Variants in PRRX1 observed in about 807,000 individuals in gnomAD.
The protein encoded by PRRX1 is paired related homeobox 1.
In PRRX1, 8 loss-of-function variants were observed where a neutral mutation model predicts 24.0. That is an observed-to-expected ratio of 0.33 (90% confidence interval 0.20 to 0.60). The LOEUF (loss-of-function observed/expected upper bound fraction) is 0.60. Among genes scored for constraint, PRRX1 ranks in the 20% least tolerant of loss-of-function variants. PRRX1 has a pLI of 0.82. For missense variants in PRRX1, 281 were observed against 322.4 expected, an observed-to-expected ratio of 0.87 and a Z score of 0.98; for synonymous variants, 160 against 131.7, an observed-to-expected ratio of 1.22 and a Z score of -1.47.
chr1:170,675,851 G>A (rs1653304124), intron 1 of PRRX1, among the ~76,000 whole-genome samples: 1 of 152,138 alleles, frequency 6.6e-6, no homozygotes, highest in Non-Finnish European at 1.5e-5. Flanking sequence ...AATTATGAAT[G>A]ACATATATGT....
At position 170,739,326 on chromosome 1, in the gene PRRX1, T is replaced by C. The variant is rs569501213; in HGVS notation, c.*3140T>C. 1 of 181,330 alleles carries C rather than the reference T, an allele frequency of 5.5e-6. No homozygotes were observed. Among genetic ancestry groups the C allele is most frequent in the Admixed American group, 6.3e-5 (1 of 15,940 alleles). The allele number at this position is 181,330 out of a possible 1,614,324, so 11.2% of individuals were successfully genotyped here. On this transcript the variant is annotated 3_prime_UTR_variant, in exon 4 of 4. Coordinates refer to ENST00000239461, the MANE Select transcript of PRRX1 (RefSeq NM_022716.4). Reference sequence around the variant, plus strand: ...TGTAATATGTAAATTATATCTTGCTTTATGTTGTAAAATATACATTGTTTG... The same window carrying C: ...TGTAATATGTAAATTATATCTTGCTCTATGTTGTAAAATATACATTGTTTG...
At chr1:170,669,371 G>T (rs908908673) in intron 1 of PRRX1, 1 of 123,518 alleles carries the variant, frequency 8.1e-6, no homozygotes, top group African/African-American at 3.2e-5. Context: ...TTTACAACAC[G>T]AGCGAATAAA....
At chr1:170,691,441 A>ATTTCC (rs60341193) in intron 1 of PRRX1, among the ~76,000 whole-genome samples, 5,429 of 71,662 alleles carry the variant, frequency 0.076, 535 homozygotes, top group East Asian at 0.14. Flanking sequence ...CTTTCCTTCC[A>ATTTCC]TTTCCTTTCC....
At chr1:170,726,486 C>T in intron 3 of PRRX1, 85 bp downstream of exon 3, 2 of 1,457,720 alleles carry the variant, frequency 1.4e-6, no homozygotes, top group Non-Finnish European at 1.9e-6. Flanking sequence ...GTGCAGCTCA[C>T]CGACATTTCT....
chr1:170,705,638 G>T (rs938873886), intron 1 of PRRX1, among the ~76,000 whole-genome samples: 1 of 152,086 alleles, frequency 6.6e-6, no homozygotes, highest in Non-Finnish European at 1.5e-5. Context: ...TCAGCAGGCA[G>T]TGATATCATG....
rs915490774 is a variant in PRRX1, at chr1:170,664,516, C to A, written c.241+57C>A. 10 of 1,547,290 alleles carry A rather than the reference C, an allele frequency of 6.5e-6. No homozygotes were observed. In the African/African-American group the frequency reaches 6.8e-5, roughly 11 times the overall value. ...GTGCCCGGGACAGAGGGCGGGGACC[C>A]GTGTAGGGCAGCTAGAGCCCGTCCG... On this transcript the variant is annotated intron_variant, in intron 1 of 3. Coordinates refer to ENST00000239461, the MANE Select transcript of PRRX1 (RefSeq NM_022716.4).
rs1653947897 is a variant in PRRX1 at position 170,691,480 on chromosome 1, CCTTTCCTTTCCTTT to C, written c.241+27023_241+27036del. 2.7e-5 allele frequency among the ~76,000 whole-genome samples: 4 copies of C among 146,152 alleles called. No individual in the cohort carries two copies. The South Asian group carries it at 9.2e-4, about 34-fold the overall frequency. ...CCTTTCCTTTCCTTTCCTTTCCTTT[CCTTTCCTTTCCTTT>C]CCTTTCCTTTCCTTTCCTTCCTTCT... is the stretch of plus-strand genomic sequence containing the variant. On this transcript the variant is annotated intron_variant, in intron 1 of 3. Coordinates refer to ENST00000239461, the MANE Select transcript of PRRX1 (RefSeq NM_022716.4).
In PRRX1 at chr1:170,720,976, T is replaced by C. The variant is rs1655062499; in HGVS notation, c.417+1075T>C. ...TTTCATCCTCACACCAATTCAGTGA[T>C]GTGGATAGTGTTCTTCATTTTGCAG... is the stretch of plus-strand genomic sequence containing the variant. On this transcript the variant is annotated intron_variant, in intron 2 of 3. Transcript: ENST00000239461. 2.6e-5 allele frequency among the ~76,000 whole-genome samples: 4 copies of C among 152,340 alleles called. No homozygotes were observed. In the South Asian group the frequency reaches 8.3e-4, roughly 32 times the overall value.
chr1:170,711,113 A>G (rs1336412458), intron 1 of PRRX1, among the ~76,000 whole-genome samples: 2 of 152,230 alleles, frequency 1.3e-5, no homozygotes, highest in African/African-American at 4.8e-5. Context: ...TTTCATCTAA[A>G]AAGTATTTAA....
intron 2 of PRRX1, among the ~76,000 whole-genome samples, chr1:170,721,573 A>T (rs1263434319): frequency 6.6e-6 from 1 of 152,134 alleles, no homozygotes; most frequent in Non-Finnish European, 1.5e-5. Flanking sequence ...CAAGAGAAAA[A>T]AGAAAAATGT....
At chr1:170,735,898 TG>T in intron 3 of PRRX1, 149 bp from the exon 4 acceptor site, 1 of 1,029,716 alleles carries the variant, frequency 9.7e-7, no homozygotes. Context: ...AATGGAAAGC[TG>T]GGGCTGTAAG....
chr1:170,732,018 A>G (rs557196678), intron 3 of PRRX1, among the ~76,000 whole-genome samples: 32 of 152,304 alleles, frequency 2.1e-4, no homozygotes, highest in Admixed American at 1.0e-3. Context: ...CCCACTTCCA[A>G]GAATAAGTGG....
chr1:170,689,453 G>A (rs1222095245), intron 1 of PRRX1, among the ~76,000 whole-genome samples: 1 of 152,124 alleles, frequency 6.6e-6, no homozygotes, highest in Non-Finnish European at 1.5e-5. Flanking sequence ...TTTAAATCAT[G>A]GAATCTATGT....
chr1:170,669,890 G>C (rs1397715933), intron 1 of PRRX1, among the ~76,000 whole-genome samples: 2 of 152,208 alleles, frequency 1.3e-5, no homozygotes, highest in Non-Finnish European at 2.9e-5. Flanking sequence ...TCGGGAGTGT[G>C]TTTGTAGAGA....
At chr1:170,696,278 A>G (rs1654165548) in intron 1 of PRRX1, among the ~76,000 whole-genome samples, 1 of 152,160 alleles carries the variant, frequency 6.6e-6, no homozygotes, top group African/African-American at 2.4e-5. Flanking sequence ...GTCATTAACC[A>G]TGACCAGCAG....
At chr1:170,683,660 G>T (rs1158029714) in intron 1 of PRRX1, among the ~76,000 whole-genome samples, 1 of 152,164 alleles carries the variant, frequency 6.6e-6, no homozygotes, top group African/African-American at 2.4e-5. Flanking sequence ...TTCAGGTACT[G>T]CCTTTAATTT....
intron 1 of PRRX1, among the ~76,000 whole-genome samples, chr1:170,680,692 C>A (rs2101891278): frequency 6.6e-6 from 1 of 152,328 alleles, no homozygotes; most frequent in East Asian, 1.9e-4. Flanking sequence ...ATAGTTCACG[C>A]CTTGCAGATG....
At chr1:170,676,976 T>C (rs1653342216) in intron 1 of PRRX1, among the ~76,000 whole-genome samples, 1 of 152,122 alleles carries the variant, frequency 6.6e-6, no homozygotes, top group Non-Finnish European at 1.5e-5. Context: ...GTGAAAATAT[T>C]TGAGAAATAA....
In PRRX1 at chr1:170,739,099, T is replaced by G. The variant is rs532727305; in HGVS notation, c.*2913T>G. On this transcript the variant is annotated 3_prime_UTR_variant, in exon 4 of 4. Transcript: ENST00000239461. The stretch of plus-strand genomic sequence containing the variant: ...AGTTGTCAGTGGAGGTCCTCAGGGC[T>G]GCAAATGTCAAGACATAACCCTGTT... The G allele has an allele frequency of 9.3e-6, 2 of 214,800 alleles. No individual in the cohort carries two copies. The highest frequency in any genetic ancestry group is 3.7e-4 in the South Asian group (2 of 5,388). 13.3% of individuals were successfully genotyped at this position (214,800 alleles called of 1,614,324 possible). A position where few individuals can be genotyped will look rare whatever the true frequency, so the allele number is the denominator to read the frequency against.
Sources: gnomAD v4.1 joint callset for allele counts (sites outside exome capture counted in the v4.1 genomes callset) on GRCh38, gnomAD v4.1.1 for gene constraint, MANE v1.5 for transcripts, NCBI Gene and HGNC (gene_info 2026-07-23, HGNC 2026-07-21) for gene names.